Variants in DMD observed in about 807,000 individuals in gnomAD.
DMD encodes dystrophin.
A neutral mutation model predicts 330.1 loss-of-function variants in DMD; 63 were observed. The observed-to-expected ratio is 0.19, with a 90% CI of 0.16 to 0.24. The LOEUF (loss-of-function observed/expected upper bound fraction) is 0.24, where lower values mean the gene tolerates loss of function less well. DMD is among the 10% of genes least tolerant of loss of function. The pLI, the probability that DMD is intolerant of heterozygous loss-of-function variation, is 1.00. For missense variants in DMD, 3,344 were observed against 2,684.1 expected (o/e 1.25, Z -5.43); for synonymous variants, 1,223 against 959.8 (o/e 1.27, Z -5.07).
chrX:32,480,400 GTA>G (rs1040888751), intron 21 of DMD, among the ~76,000 whole-genome samples: 9 of 104,639 alleles, frequency 8.6e-5, no homozygotes, highest in East Asian at 2.9e-4. Context: ...GTGTGTGTGT[GTA>G]TATGTCTACA....
At chrX:32,552,474 A>G (rs2049682950) in intron 16 of DMD, among the ~76,000 whole-genome samples, 1 of 111,984 alleles carries the variant, frequency 8.9e-6, no homozygotes, top group South Asian at 3.7e-4. Context: ...AAAACCTAAG[A>G]AGATAACCCA....
chrX:32,655,610 A>C (rs1409509629), intron 9 of DMD, among the ~76,000 whole-genome samples: 1 of 111,923 alleles, frequency 8.9e-6, no homozygotes, highest in African/African-American at 3.3e-5. Context: ...AAGAATGTAT[A>C]ATCTGTTGAT....
intron 43 of DMD, among the ~76,000 whole-genome samples, chrX:32,247,058 G>A (rs1168410649): frequency 9.0e-6 from 1 of 111,553 alleles, no homozygotes; most frequent in Non-Finnish European, 1.9e-5. Flanking sequence ...TTCAGTTGTT[G>A]AACCAAGTTT....
chrX:32,792,551 A>G (rs973399742), intron 7 of DMD, among the ~76,000 whole-genome samples: 6 of 112,154 alleles, frequency 5.3e-5, no homozygotes, highest in Non-Finnish European at 1.1e-4. Flanking sequence ...TATATAACCC[A>G]AAAATATTCT....
chrX:33,318,763 CTGAG>C (rs1038153554), intron 1 of DMD, among the ~76,000 whole-genome samples: 5 of 110,405 alleles, frequency 4.5e-5, no homozygotes, highest in South Asian at 3.8e-4. Flanking sequence ...CTCAGTCTTA[CTGAG>C]TATTTTCCCC....
intron 44 of DMD, among the ~76,000 whole-genome samples, chrX:32,209,009 T>A (rs2097082923): frequency 8.9e-6 from 1 of 111,912 alleles, no homozygotes; most frequent in East Asian, 2.8e-4. Flanking sequence ...ATTTTTAAAT[T>A]TATTTATGTA....
At chrX:32,666,744 G>A (rs977470489) in intron 9 of DMD, among the ~76,000 whole-genome samples, 12 of 107,760 alleles carry the variant, frequency 1.1e-4, no homozygotes, top group Admixed American at 5.1e-4. Flanking sequence ...AAGTAGAATC[G>A]TTGAACCTGG....
At chrX:32,855,911 C>T (rs780076501) in intron 2 of DMD, among the ~76,000 whole-genome samples, 20 of 111,701 alleles carry the variant, frequency 1.8e-4, no homozygotes, top group African/African-American at 6.2e-4. Context: ...TGGCCAACTA[C>T]CCACCTGACA....
chrX:31,334,002 G>A (rs755846125), intron 61 of DMD, among the ~76,000 whole-genome samples: 7 of 109,969 alleles, frequency 6.4e-5, no homozygotes, highest in Admixed American at 1.9e-4. Flanking sequence ...GCGCGATCTC[G>A]GCTCACTGCA....
intron 30 of DMD, among the ~76,000 whole-genome samples, chrX:32,396,014 C>T (rs1281957191): frequency 2.7e-5 from 3 of 110,895 alleles, no homozygotes; most frequent in East Asian, 5.6e-4. Context: ...GCAAAGATAG[C>T]GTAAGTGATC....
rs142811032 is a variant in DMD at position 32,425,366 on chromosome X, T to C, written c.4071+12875A>G. Among the ~76,000 whole-genome samples the C allele has an allele frequency of 9.1e-3, 1,009 of 111,220 alleles. 10 individuals are homozygous for C. Among genetic ancestry groups the C allele is most frequent in the African/African-American group, 0.031 (962 of 30,593 alleles). On this transcript the variant is annotated intron_variant, in intron 29 of 78. Coordinates refer to ENST00000357033, the MANE Select transcript of DMD (RefSeq NM_004006.3). ...CCTTGTATTATCTCAATTTTCTCTT[T>C]CCCACTTCCAAAGTCAATCCTTCCA...
intron 47 of DMD, among the ~76,000 whole-genome samples, chrX:31,879,712 T>C (rs1382174890): frequency 8.9e-6 from 1 of 111,978 alleles, no homozygotes; most frequent in Non-Finnish European, 1.9e-5. Context: ...TCTTCTGCAC[T>C]TTAAAACAGT....
chrX:31,556,987 G>A (rs371017989), intron 55 of DMD, among the ~76,000 whole-genome samples: 5 of 112,058 alleles, frequency 4.5e-5, no homozygotes, highest in African/African-American at 1.3e-4. Context: ...AGGGGGCTAC[G>A]AAGATGAAAA....
intron 1 of DMD, among the ~76,000 whole-genome samples, chrX:33,114,235 G>T (rs776122109): frequency 8.4e-5 from 9 of 107,040 alleles, no homozygotes; most frequent in East Asian, 2.9e-4. Context: ...TCAGCCTCCC[G>T]AGTAGCTGAG....
chrX:32,835,582 C>T (rs952916619), intron 4 of DMD, among the ~76,000 whole-genome samples: 1 of 112,158 alleles, frequency 8.9e-6, no homozygotes, highest in African/African-American at 3.2e-5. Context: ...ACAGCCACCA[C>T]AAAGAATGCA....
chrX:32,876,537 T>A (rs765152541), intron 2 of DMD, among the ~76,000 whole-genome samples: 1 of 111,658 alleles, frequency 9.0e-6, no homozygotes, highest in South Asian at 3.8e-4. Context: ...TGCCTTGCCA[T>A]TCCTTTATAA....
intron 47 of DMD, among the ~76,000 whole-genome samples, chrX:31,903,357 T>C (rs147788727): frequency 0.04 from 4,464 of 111,631 alleles, 87 homozygotes; most frequent in Non-Finnish European, 0.064. Context: ...CAAAGGAAAG[T>C]TGGACATTTC....
In DMD at chrX:32,309,343, C is replaced by G. The variant is rs746065597; in HGVS notation, c.6117+739G>C. 7.4e-4 allele frequency among the ~76,000 whole-genome samples: 82 copies of G among 111,228 alleles called. 1 individual carries two copies. The highest frequency in any genetic ancestry group is 2.3e-3 in the African/African-American group (70 of 30,735). ...ACTGTTTGCATTTGAAAATACCAAG[C>G]TCTGGGTATACTATAATATTTCATT... On this transcript the variant is annotated intron_variant, in intron 42 of 78. Transcript: ENST00000357033.
intron 1 of DMD, among the ~76,000 whole-genome samples, chrX:33,051,556 A>G (rs1451189478): frequency 2.7e-5 from 3 of 109,821 alleles, no homozygotes; most frequent in Non-Finnish European, 1.9e-5. Flanking sequence ...GTTTTACTTA[A>G]TGATTGTAAT....
Sources: gnomAD v4.1 joint callset for allele counts (sites outside exome capture counted in the v4.1 genomes callset) on GRCh38, gnomAD v4.1.1 for gene constraint, MANE v1.5 for transcripts, NCBI Gene and HGNC (gene_info 2026-07-23, HGNC 2026-07-21) for gene names.